Variants in CDH6 observed in about 807,000 individuals in gnomAD.
The protein encoded by CDH6 is cadherin-6.
CDH6 carries 31 observed loss-of-function variants against 78.0 expected under a neutral mutation model. That is an observed-to-expected ratio of 0.40 (90% CI 0.30 to 0.54). CDH6 has a LOEUF of 0.54. Ranked by LOEUF, CDH6 falls within the 20% of genes least tolerant of loss-of-function variation. The pLI, the probability that CDH6 is intolerant of heterozygous loss-of-function variation, is 0.56. For missense variants in CDH6, 724 were observed against 975.9 expected (o/e 0.74, Z 3.44); for synonymous variants, 376 against 368.8 (o/e 1.02, Z -0.23).
At chr5:31,261,622 T>C (rs1238176738) in intron 1 of CDH6, among the ~76,000 whole-genome samples, 1 of 152,206 alleles carries the variant, frequency 6.6e-6, no homozygotes, top group Non-Finnish European at 1.5e-5. Flanking sequence ...CTTATTGTGC[T>C]TTCAATGCCA....
rs1236541166 is a variant in CDH6 at position 31,317,857 on chromosome 5, C to T, written c.1815C>T (p.Leu605=). 3.7e-6 allele frequency: 6 copies of T among 1,613,986 alleles called. No homozygotes were observed. Among genetic ancestry groups the T allele is most frequent in the Non-Finnish European group, 5.1e-6 (6 of 1,180,008 alleles). The change falls in exon 11 of 12, where the codon CTC becomes CTT. Residue 605 remains leucine (L), a synonymous_variant. Transcript: ENST00000265071. ...TGCAATCCTGCCATGCGGAGGCGCT[C>T]ATCCACCCCACGGGACTGAGCACGG... ...GNMQSCHAEA[L]IHPTGLSTGA...
At chr5:31,286,608 C>A (rs937893711) in intron 2 of CDH6, among the ~76,000 whole-genome samples, 1 of 152,072 alleles carries the variant, frequency 6.6e-6, no homozygotes, top group East Asian at 1.9e-4. Flanking sequence ...GAGGCCGTGC[C>A]GGGCTTTGGA....
chr5:31,318,160 ATC>A, intron 11 of CDH6: 4 of 608,218 alleles, frequency 6.6e-6, no homozygotes, highest in Non-Finnish European at 1.2e-5. Context: ...GAAGCAAAGA[ATC>A]TCTTGTCTAT....
chr5:31,321,256 G>T (rs1218584159), intron 11 of CDH6, among the ~76,000 whole-genome samples: 1 of 148,672 alleles, frequency 6.7e-6, no homozygotes, highest in Non-Finnish European at 1.5e-5. Flanking sequence ...ACCCTGAATG[G>T]TTGCATCAAA....
chr5:31,250,004 A>G (rs949409088), intron 1 of CDH6: 3 of 152,330 alleles, frequency 2.0e-5, no homozygotes, highest in African/African-American at 7.2e-5. Flanking sequence ...TTGGCACTCC[A>G]GAATTTAGAA....
At chr5:31,258,572 C>A (rs933158511) in intron 1 of CDH6, among the ~76,000 whole-genome samples, 5 of 151,880 alleles carry the variant, frequency 3.3e-5, no homozygotes, top group Non-Finnish European at 5.9e-5. Flanking sequence ...ACCACCATGG[C>A]ATGTGTATAT....
intron 1 of CDH6, among the ~76,000 whole-genome samples, chr5:31,217,186 T>C (rs1740890840): frequency 6.6e-6 from 1 of 152,162 alleles, no homozygotes; most frequent in Admixed American, 6.6e-5. Context: ...GTAGGCAAAA[T>C]TTTTCATAAA....
chr5:31,202,838 C>T (rs140463754), intron 1 of CDH6, among the ~76,000 whole-genome samples: 1 of 151,212 alleles, frequency 6.6e-6, no homozygotes, highest in East Asian at 1.9e-4. Context: ...TATACACACA[C>T]ATATATATAT....
intron 6 of CDH6, among the ~76,000 whole-genome samples, chr5:31,304,772 C>A (rs1239189382): frequency 6.6e-6 from 1 of 151,902 alleles, no homozygotes; most frequent in East Asian, 1.9e-4. Flanking sequence ...CCTGATGGCC[C>A]CCTCTAGTGA....
intron 1 of CDH6, among the ~76,000 whole-genome samples, chr5:31,200,481 A>G (rs1740319615): frequency 6.6e-6 from 1 of 151,906 alleles, no homozygotes; most frequent in Admixed American, 6.6e-5. Context: ...ATAATTTTTT[A>G]TGACCACATT....
At chr5:31,202,538 G>A (rs747054513) in intron 1 of CDH6, among the ~76,000 whole-genome samples, 53 of 152,044 alleles carry the variant, frequency 3.5e-4, no homozygotes, top group Non-Finnish European at 4.4e-4. Context: ...TCAGGAGGCT[G>A]AGAGGGAGAA....
At chr5:31,293,294 TAGTCA>T (rs1390806036) in intron 2 of CDH6, among the ~76,000 whole-genome samples, 1 of 152,176 alleles carries the variant, frequency 6.6e-6, no homozygotes, top group African/African-American at 2.4e-5. Context: ...GTAAATTATC[TAGTCA>T]GGTGATTTTC....
At chr5:31,210,109 T>TGTGTGTGTGTGTGTGTGTGTGTGTGTG (rs1561024477) in intron 1 of CDH6, among the ~76,000 whole-genome samples, 1 of 151,668 alleles carries the variant, frequency 6.6e-6, no homozygotes, top group South Asian at 2.1e-4. Flanking sequence ...TGTGTGTGTG[T>TGTGTGTGTGTGTGTGTGTGTGTGTGTG]TTGCAGAAGG....
intron 2 of CDH6, among the ~76,000 whole-genome samples, chr5:31,271,390 C>T (rs914336945): frequency 3.3e-5 from 5 of 152,170 alleles, no homozygotes; most frequent in African/African-American, 1.2e-4. Flanking sequence ...CAAGCAACTG[C>T]AGCGAGACCT....
At chr5:31,259,832 G>A (rs946997434) in intron 1 of CDH6, among the ~76,000 whole-genome samples, 1 of 152,196 alleles carries the variant, frequency 6.6e-6, no homozygotes, top group African/African-American at 2.4e-5. Context: ...CCCAGTGGAA[G>A]GGAGATGGCA....
At chr5:31,199,141 T>G (rs1740249923) in intron 1 of CDH6, among the ~76,000 whole-genome samples, 4 of 151,908 alleles carry the variant, frequency 2.6e-5, no homozygotes, top group Admixed American at 2.6e-4. Flanking sequence ...TTGGATCCTG[T>G]GTGTGATATA....
chr5:31,230,742 T>G (rs1444344712), intron 1 of CDH6, among the ~76,000 whole-genome samples: 7 of 152,094 alleles, frequency 4.6e-5, no homozygotes, highest in African/African-American at 1.7e-4. Flanking sequence ...TCCATTGAGT[T>G]TAATCAAACT....
At chr5:31,245,798 C>CA (rs1464197898) in intron 1 of CDH6, among the ~76,000 whole-genome samples, 1 of 151,782 alleles carries the variant, frequency 6.6e-6, no homozygotes, top group East Asian at 1.9e-4. Context: ...TTTCTTAAGA[C>CA]ACCTAGGATA....
chr5:31,302,801 A>AG (rs1561066009), intron 6 of CDH6, among the ~76,000 whole-genome samples: 19 of 69,210 alleles, frequency 2.7e-4, no homozygotes, highest in Non-Finnish European at 8.8e-5. Context: ...AGAGAGAGAG[A>AG]AAGAAAGAAA....
Sources: allele counts gnomAD v4.1 joint callset (sites outside exome capture counted in the v4.1 genomes callset), GRCh38; gene constraint gnomAD v4.1.1; transcripts MANE v1.5; gene names NCBI Gene and HGNC (gene_info 2026-07-23, HGNC 2026-07-21).